DNAJC5B: variants seen among roughly 807,000 people sequenced by gnomAD.
DNAJC5B encodes the protein DnaJ heat shock protein family (Hsp40) member C5 beta, also known as dnaJ homolog subfamily C member 5B.
In DNAJC5B, 23 loss-of-function variants were observed where a neutral mutation model predicts 24.7. The observed-to-expected ratio is 0.93, with a 90% CI of 0.67 to 1.32. The LOEUF (loss-of-function observed/expected upper bound fraction) is 1.32. DNAJC5B is among the 40% of genes most tolerant of loss of function. The probability of loss-of-function intolerance (pLI) is 0.00; values close to 1 mark genes in which losing one functional copy is unlikely to be tolerated. For synonymous variants in DNAJC5B, 101 were observed against 90.1 expected (o/e 1.12, Z -0.68); for missense variants, 238 against 240.8 (o/e 0.99, Z 0.08).
chr8:66,058,384 T>A (rs896250208), intron 3 of DNAJC5B, among the ~76,000 whole-genome samples: 3 of 152,216 alleles, frequency 2.0e-5, no homozygotes, highest in African/African-American at 2.4e-5. Context: ...TGGTTCCTGA[T>A]CCCTTTTCCA....
At chr8:66,026,657 G>A (rs1806250862) in intron 1 of DNAJC5B, among the ~76,000 whole-genome samples, 1 of 152,250 alleles carries the variant, frequency 6.6e-6, no homozygotes, top group Non-Finnish European at 1.5e-5. Context: ...CAGGGCCTTT[G>A]TAACCTGAGG....
In DNAJC5B at chr8:66,086,166, T is replaced by A. The variant is rs763096938; in HGVS notation, c.505+5618T>A. Among the ~76,000 whole-genome samples the A allele has an allele frequency of 2.8e-4, 43 of 152,206 alleles. 1 individual carries two copies. The highest frequency in any genetic ancestry group is 2.6e-3 in the Admixed American group (39 of 15,288). On this transcript the variant is annotated intron_variant, in intron 5 of 5. Coordinates refer to ENST00000276570, the MANE Select transcript of DNAJC5B (RefSeq NM_033105.6). Reference sequence around the variant, plus strand: ...TGTCTTTGCTAAACTCATTTAACAGTTTGGATTTTTGTGTGTGTGTAAATT... The same window carrying A: ...TGTCTTTGCTAAACTCATTTAACAGATTGGATTTTTGTGTGTGTGTAAATT...
chr8:66,073,015 G>A (rs189363943), intron 3 of DNAJC5B, among the ~76,000 whole-genome samples: 31 of 152,204 alleles, frequency 2.0e-4, no homozygotes, highest in African/African-American at 7.0e-4. Context: ...TCGTACTTGG[G>A]GTGGGGGGTC....
In DNAJC5B at chr8:66,076,879, AC is replaced by A; in HGVS notation, c.333+7del. 1 of 1,613,986 alleles carries A rather than the reference AC, an allele frequency of 6.2e-7. No homozygotes were observed. Among genetic ancestry groups the A allele is most frequent in the Non-Finnish European group, 8.5e-7 (1 of 1,179,900 alleles). On this transcript the variant is annotated splice_region_variant and intron_variant, in intron 4 of 5. Coordinates refer to ENST00000276570, the MANE Select transcript of DNAJC5B (RefSeq NM_033105.6). ...TGTCGAGCTGGTGGGCAAAGGTGAAACTGAATTTCCTTTCTTCACAATCTCC... is the reference window on the plus strand; with the variant it reads ...TGTCGAGCTGGTGGGCAAAGGTGAAATGAATTTCCTTTCTTCACAATCTCC...
chr8:66,018,716 CAGGAAGCTG>C (rs1224023522), upstream of DNAJC5B, among the ~76,000 whole-genome samples: 2 of 144,066 alleles, frequency 1.4e-5, no homozygotes, highest in Non-Finnish European at 3.0e-5. Context: ...GCAGTAAATG[CAGGAAGCTG>C]TGTGGGAATC....
Position 66,087,052 on chromosome 8 carries a change from GT to G in DNAJC5B, c.505+6508del, listed in dbSNP as rs544359240. 2.7e-3 allele frequency among the ~76,000 whole-genome samples: 413 copies of G among 152,264 alleles called. 2 individuals are homozygous for G. The highest frequency in any genetic ancestry group is 9.4e-3 in the African/African-American group (392 of 41,578). ...TTGAATTCAGTTACTGTATTAGTCT[GT>G]TTTCACACTGTTATAAAGATACAAC... is the stretch of plus-strand genomic sequence containing the variant. On this transcript the variant is annotated intron_variant, in intron 5 of 5. Coordinates refer to ENST00000276570, the MANE Select transcript of DNAJC5B (RefSeq NM_033105.6).
intron 3 of DNAJC5B, among the ~76,000 whole-genome samples, chr8:66,064,726 T>C (rs1287884823): frequency 1.3e-5 from 2 of 152,222 alleles, no homozygotes; most frequent in African/African-American, 4.8e-5. Flanking sequence ...GATTATATTA[T>C]ACAGTACACA....
At chr8:66,045,320 G>A (rs553595507) in intron 2 of DNAJC5B, among the ~76,000 whole-genome samples, 1 of 152,260 alleles carries the variant, frequency 6.6e-6, no homozygotes, top group East Asian at 1.9e-4. Flanking sequence ...AAATATTTGG[G>A]AATAGGGCAA....
At chr8:66,016,081 A>G in the DNAJC5B span, among the ~76,000 whole-genome samples, 2 of 152,230 alleles carry the variant, frequency 1.3e-5, no homozygotes, top group South Asian at 4.1e-4. Flanking sequence ...GCCTTGGTGA[A>G]GGCTGCTCTG....
intron 5 of DNAJC5B, 22 bp from the exon 6 acceptor site, chr8:66,099,915 G>A (rs1199079515): frequency 6.2e-7 from 1 of 1,606,248 alleles, no homozygotes. Context: ...AGTGTTTATT[G>A]CTTTGCTTTG....
intron 5 of DNAJC5B, among the ~76,000 whole-genome samples, chr8:66,097,541 T>C (rs1445491205): frequency 6.6e-6 from 1 of 152,128 alleles, no homozygotes; most frequent in East Asian, 1.9e-4. Flanking sequence ...TTTCTGGGTT[T>C]TTTTTTCAAT....
At chr8:66,071,608 G>A (rs1405675645) in intron 3 of DNAJC5B, among the ~76,000 whole-genome samples, 5 of 152,204 alleles carry the variant, frequency 3.3e-5, no homozygotes, top group Admixed American at 6.5e-5. Flanking sequence ...TAGTGGGAGT[G>A]TAAATTAGTT....
chr8:66,083,003 C>CTTTTTTTTTTTTTTTTTTTTTT (rs765749597), intron 5 of DNAJC5B, among the ~76,000 whole-genome samples: 1 of 86,724 alleles, frequency 1.2e-5, no homozygotes, highest in African/African-American at 4.9e-5. Context: ...CTTTTCTTTT[C>CTTTTTTTTTTTTTTTTTTTTTT]TTTTTTTTTT....
chr8:66,077,212 G>A (rs1807486857), intron 4 of DNAJC5B, among the ~76,000 whole-genome samples: 1 of 152,074 alleles, frequency 6.6e-6, no homozygotes, highest in Non-Finnish European at 1.5e-5. Flanking sequence ...AATTATTACG[G>A]GGCAAATTTA....
intron 3 of DNAJC5B, among the ~76,000 whole-genome samples, chr8:66,066,977 G>A (rs898327558): frequency 6.8e-6 from 1 of 148,042 alleles, no homozygotes; most frequent in African/African-American, 2.6e-5. Flanking sequence ...TTTTTAAAAA[G>A]CTAGGGGCCA....
At chr8:66,068,097 C>T (rs1327391428) in intron 3 of DNAJC5B, among the ~76,000 whole-genome samples, 2 of 152,090 alleles carry the variant, frequency 1.3e-5, no homozygotes, top group African/African-American at 2.4e-5. Flanking sequence ...GAAATAAAAA[C>T]ACTTTCTGGT....
chr8:66,040,090 G>C (rs919178782), intron 1 of DNAJC5B, among the ~76,000 whole-genome samples: 2 of 152,120 alleles, frequency 1.3e-5, no homozygotes, highest in African/African-American at 4.8e-5. Flanking sequence ...GGAGACATAG[G>C]CTTCAAGAAA....
At chr8:66,048,485 T>C (rs1806773648) in intron 2 of DNAJC5B, among the ~76,000 whole-genome samples, 1 of 152,136 alleles carries the variant, frequency 6.6e-6, no homozygotes, top group Non-Finnish European at 1.5e-5. Flanking sequence ...TATGCAAACA[T>C]CTCTTCAGTC....
chr8:66,031,454 TA>T (rs1445070012), intron 1 of DNAJC5B, among the ~76,000 whole-genome samples: 2 of 152,232 alleles, frequency 1.3e-5, no homozygotes, highest in Admixed American at 6.5e-5. Context: ...AAAAGCAACC[TA>T]TTTTTTTTAA....
Sources: gnomAD v4.1 joint callset for allele counts (sites outside exome capture counted in the v4.1 genomes callset) on GRCh38, gnomAD v4.1.1 for gene constraint, MANE v1.5 for transcripts, NCBI Gene and HGNC (gene_info 2026-07-23, HGNC 2026-07-21) for gene names.